CLIC4: variants seen among roughly 807,000 people sequenced by gnomAD.
CLIC4 encodes the protein CLIC family member 4, also known as chloride intracellular channel protein 4.
In CLIC4, 13 loss-of-function variants were observed where a neutral mutation model predicts 24.6. The observed-to-expected ratio is 0.53, with a 90% CI of 0.34 to 0.84. CLIC4 has a LOEUF of 0.84. Among genes scored for constraint, CLIC4 ranks in the 40% least tolerant of loss-of-function variants. The pLI is 0.01. For missense variants in CLIC4, 227 were observed against 301.7 expected, an observed-to-expected ratio of 0.75 and a Z score of 1.83; for synonymous variants, 104 against 111.3, an observed-to-expected ratio of 0.93 and a Z score of 0.41.
At chr1:24,817,995 C>T (rs116699856) in intron 3 of CLIC4, among the ~76,000 whole-genome samples, 201 of 152,086 alleles carry the variant, frequency 1.3e-3, no homozygotes, top group African/African-American at 4.6e-3. Context: ...TTTGTGGTGC[C>T]CCCAAAACAA....
chr1:24,786,366 C>T (rs1182069164), intron 1 of CLIC4, among the ~76,000 whole-genome samples: 1 of 152,184 alleles, frequency 6.6e-6, no homozygotes, highest in African/African-American at 2.4e-5. Context: ...CCCTATTCTG[C>T]AATATTGGAG....
intron 1 of CLIC4, among the ~76,000 whole-genome samples, chr1:24,760,810 A>C (rs1638917549): frequency 6.6e-6 from 1 of 152,132 alleles, no homozygotes. Context: ...AAGAAAATGA[A>C]GTAGGTTAAG....
chr1:24,805,351 G>GTGAC (rs1423372164), intron 2 of CLIC4, among the ~76,000 whole-genome samples: 3 of 152,122 alleles, frequency 2.0e-5, no homozygotes, highest in African/African-American at 7.2e-5. Context: ...TGTTCAATTA[G>GTGAC]TGACTTGACT....
chr1:24,839,390 C>T (rs1048128187), intron 4 of CLIC4, among the ~76,000 whole-genome samples: 32 of 152,182 alleles, frequency 2.1e-4, no homozygotes, highest in Admixed American at 2.1e-3. Context: ...AGCTCGGCCT[C>T]CCGGGTTCAC....
intron 1 of CLIC4, among the ~76,000 whole-genome samples, chr1:24,791,884 T>A (rs527960435): frequency 8.4e-4 from 123 of 145,724 alleles, no homozygotes; most frequent in East Asian, 2.6e-3. Context: ...CTCAAAAAAA[T>A]AAATAAATAA....
chr1:24,824,805 C>T (rs570146311), intron 3 of CLIC4, among the ~76,000 whole-genome samples: 1 of 151,780 alleles, frequency 6.6e-6, no homozygotes, highest in Non-Finnish European at 1.5e-5. Flanking sequence ...TCAACACTAG[C>T]CTGGGCAACA....
At chr1:24,831,122 C>T (rs1223877167) in intron 4 of CLIC4, among the ~76,000 whole-genome samples, 4 of 152,020 alleles carry the variant, frequency 2.6e-5, no homozygotes, top group Non-Finnish European at 5.9e-5. Flanking sequence ...TTACTAACAC[C>T]GTAGTCAGGT....
intron 1 of CLIC4, among the ~76,000 whole-genome samples, chr1:24,780,061 CCATGAAGT>C (rs1428217582): frequency 6.6e-6 from 1 of 152,160 alleles, no homozygotes; most frequent in Admixed American, 6.5e-5. Context: ...AGTGGAAGCT[CCATGAAGT>C]CAGGAATATG....
At chr1:24,768,627 T>C (rs911878997) in intron 1 of CLIC4, among the ~76,000 whole-genome samples, 2 of 152,144 alleles carry the variant, frequency 1.3e-5, no homozygotes, top group African/African-American at 4.8e-5. Flanking sequence ...AACATTAACA[T>C]GTCGGCCGGG....
In CLIC4 at chr1:24,763,110, G is replaced by A. The variant is rs113811245; in HGVS notation, c.72+17485G>A. ...GAGGCCAAGTAAACTCTGTGAGGAA[G>A]AAATTTTGTTCTTCATCTTTGTATA... On this transcript the variant is annotated intron_variant, in intron 1 of 5. Coordinates refer to ENST00000374379, the MANE Select transcript of CLIC4 (RefSeq NM_013943.3). 4.4e-4 allele frequency among the ~76,000 whole-genome samples: 67 copies of A among 152,250 alleles called. 1 individual carries two copies. Among genetic ancestry groups the A allele is most frequent in the African/African-American group, 1.5e-3 (62 of 41,534 alleles).
intron 2 of CLIC4, among the ~76,000 whole-genome samples, chr1:24,811,695 C>T (rs184675227): frequency 8.8e-4 from 134 of 152,138 alleles, no homozygotes; most frequent in African/African-American, 3.0e-3. Flanking sequence ...AGGCTGGTCT[C>T]GCTTGAACTC....
At chr1:24,751,692 C>T (rs899451343) in intron 1 of CLIC4, among the ~76,000 whole-genome samples, 5 of 152,068 alleles carry the variant, frequency 3.3e-5, no homozygotes, top group South Asian at 2.1e-4. Context: ...GGCGAAACCC[C>T]GTCTCTACTA....
intron 2 of CLIC4, among the ~76,000 whole-genome samples, chr1:24,812,143 T>C (rs1271136304): frequency 1.3e-5 from 2 of 152,236 alleles, no homozygotes; most frequent in Admixed American, 6.5e-5. Flanking sequence ...GACCCATACC[T>C]ATTTGATTTT....
intron 1 of CLIC4, among the ~76,000 whole-genome samples, chr1:24,789,160 T>G (rs992901080): frequency 2.0e-5 from 3 of 152,226 alleles, no homozygotes; most frequent in African/African-American, 7.2e-5. Context: ...GATATAAAAT[T>G]ATTGGGACAA....
In CLIC4 at chr1:24,842,407, T is replaced by C. The variant is rs1639952714; in HGVS notation, c.*1470T>C. On this transcript the variant is annotated 3_prime_UTR_variant, in exon 6 of 6. Transcript: ENST00000374379. ...TAATACATTTTTGGTAATTTTTTTA[T>C]ACCTAATTTGTATAGGAAGTGCTAT... 2 of 152,228 alleles carry C rather than the reference T, an allele frequency of 1.3e-5. No homozygotes were observed. The highest frequency in any genetic ancestry group is 4.1e-4 in the South Asian group (2 of 4,834). 9.4% of individuals were successfully genotyped at this position (152,228 alleles called of 1,614,324 possible). A position where few individuals can be genotyped will look rare whatever the true frequency, so the allele number is the denominator to read the frequency against.
chr1:24,787,011 G>T (rs187881861), intron 1 of CLIC4, among the ~76,000 whole-genome samples: 1 of 152,032 alleles, frequency 6.6e-6, no homozygotes, highest in East Asian at 1.9e-4. Context: ...GCCTTGACCT[G>T]CCAGGCTCAA....
intron 1 of CLIC4, among the ~76,000 whole-genome samples, chr1:24,775,215 T>C (rs976930447): frequency 3.7e-5 from 5 of 134,206 alleles, no homozygotes; most frequent in African/African-American, 1.1e-4. Flanking sequence ...TTTCTTCCTT[T>C]CTTTCTTTCT....
At chr1:24,837,125 A>G (rs1443967335) in intron 4 of CLIC4, among the ~76,000 whole-genome samples, 2 of 152,206 alleles carry the variant, frequency 1.3e-5, no homozygotes, top group African/African-American at 4.8e-5. Flanking sequence ...CAAGGAAGCT[A>G]AAAGCTGGTT....
intron 1 of CLIC4, among the ~76,000 whole-genome samples, chr1:24,766,607 G>T (rs1268415235): frequency 6.9e-6 from 1 of 145,080 alleles, no homozygotes; most frequent in East Asian, 2.1e-4. Context: ...GGGCTCAAGT[G>T]ATTCTTGTGC....
Sources: gnomAD v4.1 joint callset for allele counts (sites outside exome capture counted in the v4.1 genomes callset) on GRCh38, gnomAD v4.1.1 for gene constraint, MANE v1.5 for transcripts, NCBI Gene and HGNC (gene_info 2026-07-23, HGNC 2026-07-21) for gene names.